The following SLC24A2 variants were observed in gnomAD, a reference collection of about 807,000 sequenced individuals.
The protein encoded by SLC24A2 is sodium/potassium/calcium exchanger 2.
Under a neutral mutation model 62.0 loss-of-function variants are expected in SLC24A2, and 36 were observed. The observed-to-expected ratio is 0.58, with a 90% confidence interval of 0.44 to 0.77. SLC24A2 has a LOEUF of 0.77. Ranked by LOEUF, SLC24A2 falls within the 30% of genes least tolerant of loss-of-function variation. SLC24A2 has a pLI of 0.00. For synonymous variants in SLC24A2, 358 were observed against 294.0 expected (o/e 1.22, Z -2.23); for missense variants, 846 against 817.9 (o/e 1.03, Z -0.42).
chr9:20,072,194 T>G, the SLC24A2 span, among the ~76,000 whole-genome samples: 1 of 152,150 alleles, frequency 6.6e-6, no homozygotes, highest in African/African-American at 2.4e-5. Context: ...AAAATGTGAT[T>G]GGACAAGAAG....
chr9:19,843,035 C>T, the SLC24A2 span, among the ~76,000 whole-genome samples: 1 of 152,104 alleles, frequency 6.6e-6, no homozygotes, highest in Non-Finnish European at 1.5e-5. Flanking sequence ...CTGTATATAT[C>T]CCGTGGTAGT....
the SLC24A2 span, among the ~76,000 whole-genome samples, chr9:20,261,733 CTTTTTTT>C: frequency 6.1e-4 from 46 of 75,298 alleles, no homozygotes; most frequent in Admixed American, 5.9e-3. Flanking sequence ...AACACCAAAT[CTTTTTTT>C]TTTTTTTTTT....
intron 4 of SLC24A2, among the ~76,000 whole-genome samples, chr9:19,614,197 G>T (rs1305784924): frequency 6.6e-6 from 1 of 152,182 alleles, no homozygotes; most frequent in African/African-American, 2.4e-5. Flanking sequence ...TTATTAGAAA[G>T]ATCAATTCAG....
chr9:19,740,456 T>C (rs1171543367), intron 2 of SLC24A2, among the ~76,000 whole-genome samples: 1 of 152,190 alleles, frequency 6.6e-6, no homozygotes, highest in Non-Finnish European at 1.5e-5. Context: ...CAACGTTAGA[T>C]AAATGAAGTC....
At chr9:20,161,896 G>A in the SLC24A2 span, among the ~76,000 whole-genome samples, 2 of 151,354 alleles carry the variant, frequency 1.3e-5, no homozygotes, top group Admixed American at 6.6e-5. Flanking sequence ...TACTATATTC[G>A]CTACTGTTTA....
chr9:20,189,090 T>TC, the SLC24A2 span, among the ~76,000 whole-genome samples: 8 of 118,462 alleles, frequency 6.8e-5, no homozygotes, highest in Middle Eastern at 4.0e-3. Context: ...TTTTTTTTTT[T>TC]TTCCCAGTTG....
At chr9:20,130,922 C>A in the SLC24A2 span, among the ~76,000 whole-genome samples, 2 of 152,078 alleles carry the variant, frequency 1.3e-5, no homozygotes, top group Non-Finnish European at 2.9e-5. Context: ...CCTGCCCAGA[C>A]CCAGCCTCAG....
chr9:19,581,695 G>A (rs1479849320), intron 5 of SLC24A2, among the ~76,000 whole-genome samples: 1 of 152,194 alleles, frequency 6.6e-6, no homozygotes, highest in Non-Finnish European at 1.5e-5. Flanking sequence ...GCACCTGCAG[G>A]TGCAGACCTT....
At chr9:20,021,019 A>G in the SLC24A2 span, among the ~76,000 whole-genome samples, 5 of 152,212 alleles carry the variant, frequency 3.3e-5, no homozygotes, top group Non-Finnish European at 7.3e-5. Context: ...TATGCTTTTG[A>G]GATCACATAC....
At chr9:19,832,271 A>G in the SLC24A2 span, among the ~76,000 whole-genome samples, 1 of 152,264 alleles carries the variant, frequency 6.6e-6, no homozygotes, top group Non-Finnish European at 1.5e-5. Flanking sequence ...TATGTCTTCA[A>G]AGTAATTTGG....
chr9:20,281,023 G>T, the SLC24A2 span, among the ~76,000 whole-genome samples: 1 of 152,226 alleles, frequency 6.6e-6, no homozygotes, highest in African/African-American at 2.4e-5. Flanking sequence ...TCGACTTCCT[G>T]GGATGAATGG....
chr9:20,190,020 C>T, the SLC24A2 span, among the ~76,000 whole-genome samples: 1 of 152,226 alleles, frequency 6.6e-6, no homozygotes, highest in Non-Finnish European at 1.5e-5. Context: ...AGCTTAATTC[C>T]CGGCACCCCA....
intron 4 of SLC24A2, among the ~76,000 whole-genome samples, chr9:19,608,778 TCACACACACACACATACACACA>T (rs1563995590): frequency 1.3e-5 from 2 of 149,566 alleles, no homozygotes; most frequent in Non-Finnish European, 3.0e-5. Context: ...TCTCTCTCTC[TCACACACACACACATACACACA>T]CACACACACA....
chr9:19,996,686 G>A, the SLC24A2 span, among the ~76,000 whole-genome samples: 2 of 148,196 alleles, frequency 1.3e-5, no homozygotes, highest in African/African-American at 2.5e-5. Context: ...AGGTTGCAGT[G>A]AGCCGAGATG....
chr9:19,519,881 C>G (rs1237752442), intron 10 of SLC24A2, among the ~76,000 whole-genome samples: 2 of 152,198 alleles, frequency 1.3e-5, no homozygotes, highest in African/African-American at 4.8e-5. Context: ...GTTTTATGCA[C>G]AGAGAGTGCT....
the SLC24A2 span, among the ~76,000 whole-genome samples, chr9:19,855,330 T>C: frequency 6.6e-6 from 1 of 152,184 alleles, no homozygotes; most frequent in Non-Finnish European, 1.5e-5. Flanking sequence ...GATCCTGTCA[T>C]CATAATGCTA....
chr9:20,212,572 A>G, the SLC24A2 span, among the ~76,000 whole-genome samples: 1 of 151,788 alleles, frequency 6.6e-6, no homozygotes, highest in Non-Finnish European at 1.5e-5. Context: ...TATACTATGT[A>G]TATATATTAT....
At chr9:19,548,432 C>T (rs1457316227) in intron 8 of SLC24A2, among the ~76,000 whole-genome samples, 1 of 152,138 alleles carries the variant, frequency 6.6e-6, no homozygotes. Flanking sequence ...CTTATGCCAA[C>T]AATATACATA....
At chr9:19,588,786 C>T (rs2132879936) in intron 5 of SLC24A2, among the ~76,000 whole-genome samples, 1 of 152,144 alleles carries the variant, frequency 6.6e-6, no homozygotes, top group East Asian at 1.9e-4. Flanking sequence ...CACGGTGAAA[C>T]CCCGTCTCTA....
Sources: gnomAD v4.1 joint callset for allele counts (sites outside exome capture counted in the v4.1 genomes callset) on GRCh38, gnomAD v4.1.1 for gene constraint, MANE v1.5 for transcripts, NCBI Gene and HGNC (gene_info 2026-07-23, HGNC 2026-07-21) for gene names.